ACTR3: variants seen among roughly 807,000 people sequenced by gnomAD.
The protein encoded by ACTR3 is actin-related protein 3.
Under a neutral mutation model 56.8 loss-of-function variants are expected in ACTR3, and 12 were observed. The observed-to-expected ratio is 0.21, with a 90% CI of 0.14 to 0.34. The LOEUF (loss-of-function observed/expected upper bound fraction) is 0.34, where lower values mean the gene tolerates loss of function less well. Among genes scored for constraint, ACTR3 ranks in the 10% least tolerant of loss-of-function variants. The pLI, the probability that ACTR3 is intolerant of heterozygous loss-of-function variation, is 1.00. For synonymous variants in ACTR3, 162 were observed against 167.4 expected, an observed-to-expected ratio of 0.97 and a Z score of 0.25; for missense variants, 282 against 512.5, an observed-to-expected ratio of 0.55 and a Z score of 4.34.
chr2:113,940,484 G>C (rs973464058), intron 7 of ACTR3, among the ~76,000 whole-genome samples: 1 of 151,882 alleles, frequency 6.6e-6, no homozygotes, highest in Admixed American at 6.6e-5. Flanking sequence ...AAATTATTTT[G>C]ATACAATTGA....
chr2:113,889,992 G>A (rs1678849372), upstream of ACTR3: 2 of 535,436 alleles, frequency 3.7e-6, no homozygotes, highest in African/African-American at 2.0e-5. Context: ...CGGCGTGAGG[G>A]GAAGAAGTTG....
chr2:113,899,049 C>T (rs1445442758), intron 1 of ACTR3, among the ~76,000 whole-genome samples: 2 of 152,030 alleles, frequency 1.3e-5, no homozygotes, highest in African/African-American at 4.8e-5. Context: ...ATACTTAAAC[C>T]CAAAGCTACT....
intron 3 of ACTR3, among the ~76,000 whole-genome samples, chr2:113,920,463 A>G (rs1679487092): frequency 6.6e-6 from 1 of 152,248 alleles, no homozygotes; most frequent in South Asian, 2.1e-4. Flanking sequence ...TGTAAGTAGC[A>G]TATTCACCTC....
At chr2:113,926,520 T>TC (rs1258175175) in intron 3 of ACTR3, among the ~76,000 whole-genome samples, 1 of 152,136 alleles carries the variant, frequency 6.6e-6, no homozygotes, top group African/African-American at 2.4e-5. Flanking sequence ...GGTGAGGAAG[T>TC]CCAAGATGAG....
intron 6 of ACTR3, among the ~76,000 whole-genome samples, chr2:113,939,277 C>T (rs1679883988): frequency 6.6e-6 from 1 of 152,148 alleles, no homozygotes; most frequent in Admixed American, 6.5e-5. Flanking sequence ...CCGTCTCGGC[C>T]TCCCAAAGTG....
chr2:113,916,037 A>G (rs1559467657), intron 2 of ACTR3, among the ~76,000 whole-genome samples: 1 of 152,222 alleles, frequency 6.6e-6, no homozygotes, highest in Non-Finnish European at 1.5e-5. Context: ...GTCTATGTAC[A>G]CTGTAAGTAA....
intron 1 of ACTR3, chr2:113,904,363 C>T (rs1368532693): frequency 1.3e-5 from 2 of 152,082 alleles, no homozygotes; most frequent in Non-Finnish European, 2.9e-5. Flanking sequence ...CTTATAATTC[C>T]AGCATTTGGG....
At chr2:113,941,099 C>G (rs1679916910) in intron 7 of ACTR3, among the ~76,000 whole-genome samples, 1 of 152,034 alleles carries the variant, frequency 6.6e-6, no homozygotes, top group South Asian at 2.1e-4. Flanking sequence ...AGTCACCATG[C>G]CTGGGCCTCT....
At chr2:113,952,422 C>T (rs1413434542) in intron 10 of ACTR3, 4 of 151,910 alleles carry the variant, frequency 2.6e-5, no homozygotes, top group Non-Finnish European at 4.4e-5. Context: ...TCATTTTTTT[C>T]ATCCTTGTTA....
At chr2:113,947,813 TTTTC>T (rs1680048242) in intron 8 of ACTR3, among the ~76,000 whole-genome samples, 1 of 152,222 alleles carries the variant, frequency 6.6e-6, no homozygotes. Flanking sequence ...ATACACCAAT[TTTTC>T]TTTATTTTTT....
chr2:113,910,652 A>T (rs1001917895), intron 1 of ACTR3, among the ~76,000 whole-genome samples: 12 of 152,120 alleles, frequency 7.9e-5, no homozygotes, highest in African/African-American at 2.9e-4. Context: ...TCCACTGCAG[A>T]ATTGATTGCT....
At chr2:113,924,371 C>A (rs916227770) in intron 3 of ACTR3, among the ~76,000 whole-genome samples, 5 of 152,072 alleles carry the variant, frequency 3.3e-5, no homozygotes, top group African/African-American at 1.2e-4. Flanking sequence ...GCCACCATGC[C>A]CAGCCCTTTC....
chr2:113,917,085 C>T, intron 3 of ACTR3, 77 bp downstream of exon 3: 1 of 1,243,154 alleles, frequency 8.0e-7, no homozygotes, highest in African/African-American at 1.5e-5. Context: ...GGAATTCACT[C>T]TATAATAGAC....
At chr2:113,919,984 C>A (rs1029567308) in intron 3 of ACTR3, among the ~76,000 whole-genome samples, 14 of 152,122 alleles carry the variant, frequency 9.2e-5, no homozygotes, top group African/African-American at 3.4e-4. Context: ...AGTGCAGTGG[C>A]GTGATCTCAC....
intron 3 of ACTR3, among the ~76,000 whole-genome samples, chr2:113,923,290 T>TAG (rs1442511000): frequency 6.6e-6 from 1 of 152,044 alleles, no homozygotes; most frequent in African/African-American, 2.4e-5. Context: ...GCAGGATTAC[T>TAG]CTAATGGTTA....
intron 1 of ACTR3, among the ~76,000 whole-genome samples, chr2:113,908,858 A>C (rs937929701): frequency 7.2e-5 from 11 of 152,134 alleles, no homozygotes; most frequent in African/African-American, 2.7e-4. Context: ...AGATAACTTT[A>C]CTTTTTTAGA....
chr2:113,915,849 A>G (rs1679395452), intron 2 of ACTR3, among the ~76,000 whole-genome samples: 1 of 152,152 alleles, frequency 6.6e-6, no homozygotes, highest in Non-Finnish European at 1.5e-5. Context: ...GTTTTTTCTC[A>G]CCCACCCAGT....
At chr2:113,891,976 A>G (rs191447493) in intron 1 of ACTR3, among the ~76,000 whole-genome samples, 1 of 152,326 alleles carries the variant, frequency 6.6e-6, no homozygotes, top group East Asian at 1.9e-4. Flanking sequence ...CTGAGTCAGT[A>G]GGATAGGACT....
chr2:113,954,466 T>A (rs1048364877), intron 10 of ACTR3: 2 of 152,154 alleles, frequency 1.3e-5, no homozygotes, highest in African/African-American at 2.4e-5. Flanking sequence ...CATTCATTTA[T>A]TCTTTTAGTA....
Sources: gnomAD v4.1 joint callset for allele counts (sites outside exome capture counted in the v4.1 genomes callset) on GRCh38, gnomAD v4.1.1 for gene constraint, MANE v1.5 for transcripts, NCBI Gene and HGNC (gene_info 2026-07-23, HGNC 2026-07-21) for gene names.